CD164: variants seen among roughly 807,000 people sequenced by gnomAD.
CD164 encodes the protein sialomucin core protein 24.
Under a neutral mutation model 24.6 loss-of-function variants are expected in CD164, and 11 were observed. That is an observed-to-expected ratio of 0.45 (90% CI 0.28 to 0.74). CD164 has a LOEUF of 0.74. Among genes scored for constraint, CD164 ranks in the 30% least tolerant of loss-of-function variants. CD164 has a pLI of 0.13. For missense variants in CD164, 295 were observed against 243.7 expected (o/e 1.21, Z -1.40); for synonymous variants, 126 against 100.3 (o/e 1.26, Z -1.53).
At position 109,382,207 on chromosome 6, in the gene CD164, G is replaced by A. The variant is rs201300094; in HGVS notation, c.172C>T (p.Pro58Ser). 7 of 1,557,910 alleles carry A rather than the reference G, an allele frequency of 4.5e-6. No individual in the cohort carries two copies. In the East Asian group the frequency reaches 1.7e-4, roughly 37 times the overall value. The part of the protein sequence containing the change: ...TSLPLVTTPA[P>S]ETCEGRNSCV... ...AGCCCACAGGGCCCGCGCCCACCTG[G>A]TGCCGGAGTGGTGACCAGCGGGAGG... Residue 58 changes from proline to serine, a missense_variant, in exon 1 of 6, where the codon CCA becomes TCA. Pro to Ser is a moderately conservative substitution (Grantham distance 74). Transcript: ENST00000310786.
At chr6:109,370,346 A>T (rs1320998532) in intron 5 of CD164, 65 bp downstream of exon 5, 1 of 1,309,932 alleles carries the variant, frequency 7.6e-7, no homozygotes, top group Non-Finnish European at 1.1e-6. Flanking sequence ...ATGATGGCAG[A>T]AATTGTAAAG....
Position 109,376,971 on chromosome 6 carries a change from A to G in CD164, c.332-859T>C, listed in dbSNP as rs142447982. 7.6e-3 allele frequency among the ~76,000 whole-genome samples: 1,156 copies of G among 152,326 alleles called. 14 individuals are homozygous for G. The highest frequency in any genetic ancestry group is 0.026 in the African/African-American group (1,068 of 41,572). On this transcript the variant is annotated intron_variant, in intron 3 of 5. Coordinates refer to ENST00000310786, the MANE Select transcript of CD164 (RefSeq NM_006016.6). ...GGCAACATAGTGAGACACCATCTCT[A>G]CAAAAAAATTTTTAAATTAGCCAGC...
intron 1 of CD164, 29 bp downstream of exon 1, chr6:109,382,175 G>C (rs1040898021): frequency 6.7e-7 from 1 of 1,498,022 alleles, no homozygotes; most frequent in Non-Finnish European, 8.9e-7. Flanking sequence ...GGCAGGGGAG[G>C]GCGGGAAGCC....
intron 1 of CD164, chr6:109,380,571 A>T (rs1042684888): frequency 2.0e-5 from 3 of 152,334 alleles, no homozygotes; most frequent in Admixed American, 2.0e-4. Flanking sequence ...AGGGTTCATA[A>T]AGTAAAAATA....
intron 3 of CD164, among the ~76,000 whole-genome samples, chr6:109,377,660 A>AG (rs1248418055): frequency 6.7e-6 from 1 of 148,422 alleles, no homozygotes; most frequent in African/African-American, 2.5e-5. Flanking sequence ...AAAAAAAAAA[A>AG]GTGTGGGGGC....
Position 109,382,330 on chromosome 6 carries a change from C to G in CD164, c.49G>C (p.Val17Leu). The change falls in exon 1 of 6, where the codon GTG (valine) becomes CTG (leucine). Residue 17 changes from valine (V) to leucine (L), a missense_variant. Val to Leu is a conservative substitution (Grantham distance 32, BLOSUM62 1). Transcript: ENST00000310786. Reference protein sequence around the residue: ...SLLWAATCLGVLCVLSADKNT... With the variant: ...SLLWAATCLGLLCVLSADKNT... ...TTGTCCGCGGACAGCACGCAGAGCA[C>G]GCCCAGGCAGGTGGCGGCCCAAAGC... 6.4e-7 allele frequency: 1 copy of G among 1,570,574 alleles called. No individual in the cohort carries two copies. Among genetic ancestry groups the G allele is most frequent in the Non-Finnish European group, 8.6e-7 (1 of 1,162,882 alleles).
Position 109,382,464 on chromosome 6 carries a change from G to C in CD164, c.-86C>G, listed in dbSNP as rs1771842024. On this transcript the variant is annotated 5_prime_UTR_variant, in exon 1 of 6. Coordinates refer to ENST00000310786, the MANE Select transcript of CD164 (RefSeq NM_006016.6). The stretch of plus-strand genomic sequence containing the variant: ...CAATCCCCTGCGGCGCCGCCTCCGA[G>C]ACTACGCTCCCCCGCGGGAGCGCGC... 7.6e-7 allele frequency: 1 copy of C among 1,311,360 alleles called. No homozygotes were observed. Among genetic ancestry groups the C allele is most frequent in the East Asian group, 3.0e-5 (1 of 33,212 alleles). 81.2% of individuals were successfully genotyped at this position (1,311,360 alleles called of 1,614,324 possible).
At position 109,379,629 on chromosome 6, in the gene CD164, C is replaced by T. The variant is rs1270280249; in HGVS notation, c.209G>A (p.Cys70Tyr). The change falls in exon 2 of 6, where the codon TGT (cysteine) becomes TAT (tyrosine). Residue 70 changes from cysteine (C) to tyrosine (Y), a missense_variant. Transcript: ENST00000310786. ...TCEGRNSCVS[C>Y]FNVSVVNTTC... Reference sequence around the variant, plus strand: ...AGTATTAACAACGCTAACATTAAAACAGGAAACGCAGCTGTTTCGACCTTC... The same window carrying T: ...AGTATTAACAACGCTAACATTAAAATAGGAAACGCAGCTGTTTCGACCTTC... 4 of 1,613,380 alleles carry T rather than the reference C, an allele frequency of 2.5e-6. No homozygotes were observed. Among genetic ancestry groups the T allele is most frequent in the Non-Finnish European group, 3.4e-6 (4 of 1,179,812 alleles).
At chr6:109,377,111 T>C (rs1049535697) in intron 3 of CD164, among the ~76,000 whole-genome samples, 2 of 152,200 alleles carry the variant, frequency 1.3e-5, no homozygotes, top group Admixed American at 6.5e-5. Context: ...CACTCCAGCC[T>C]GGGCAACAAA....
At chr6:109,374,661 A>G (rs1771293102) in intron 4 of CD164, among the ~76,000 whole-genome samples, 1 of 152,238 alleles carries the variant, frequency 6.6e-6, no homozygotes, top group South Asian at 2.1e-4. Flanking sequence ...CAAGGCATAC[A>G]AAGGTGTTTC....
intron 4 of CD164, 184 bp downstream of exon 4, chr6:109,375,890 T>G: frequency 1.8e-6 from 1 of 550,394 alleles, no homozygotes; most frequent in Non-Finnish European, 3.1e-6. Context: ...TATAAAACAC[T>G]GGAGCTATGT....
At position 109,375,631 on chromosome 6, in the gene CD164, GA is replaced by G. The variant is rs983082181; in HGVS notation, c.370+442del. Among the ~76,000 whole-genome samples the G allele has an allele frequency of 6.4e-4, 64 of 100,178 alleles. 1 individual carries two copies. Among genetic ancestry groups the G allele is most frequent in the Non-Finnish European group, 1.1e-3 (51 of 46,980 alleles). The allele number at this position is 100,178 out of a possible 152,430, so 65.7% of individuals were successfully genotyped here. A position where few individuals can be genotyped will look rare whatever the true frequency, so the allele number is the denominator to read the frequency against. The stretch of plus-strand genomic sequence containing the variant: ...GACTTCGCTTCCAAAAAAAAAAAAA[GA>G]AAAGAAAAAAAGAAATACAAAGGTG... On this transcript the variant is annotated intron_variant, in intron 4 of 5. Coordinates refer to ENST00000310786, the MANE Select transcript of CD164 (RefSeq NM_006016.6).
At chr6:109,373,619 C>T (rs1417671803) in intron 4 of CD164, among the ~76,000 whole-genome samples, 1 of 152,146 alleles carries the variant, frequency 6.6e-6, no homozygotes, top group African/African-American at 2.4e-5. Context: ...AAGAAATGAA[C>T]AACAGTTCTG....
chr6:109,378,054 A>C, intron 2 of CD164, 83 bp from the exon 3 acceptor site: 1 of 1,180,404 alleles, frequency 8.5e-7, no homozygotes, highest in Non-Finnish European at 1.2e-6. Flanking sequence ...AGCTCTATGA[A>C]ATCAAACCCA....
At position 109,368,342 on chromosome 6, in the gene CD164, A is replaced by G; in HGVS notation, c.*509T>C. The G allele has an allele frequency of 6.5e-7, 1 of 1,534,558 alleles. No homozygotes were observed. Among genetic ancestry groups the G allele is most frequent in the Non-Finnish European group, 8.8e-7 (1 of 1,139,576 alleles). ...ATCTTATTTCTAATGTAGAAAAAACAGCTGTTATCAAGCACAAAATTTTAA... is the reference window on the plus strand; with the variant it reads ...ATCTTATTTCTAATGTAGAAAAAACGGCTGTTATCAAGCACAAAATTTTAA... On this transcript the variant is annotated 3_prime_UTR_variant, in exon 6 of 6. Transcript: ENST00000310786.
chr6:109,382,056 C>T (rs2115175912), intron 1 of CD164, 148 bp downstream of exon 1: 2 of 608,768 alleles, frequency 3.3e-6, no homozygotes, highest in Non-Finnish European at 4.7e-6. Context: ...TCCAGGCTGG[C>T]CGCCATGTTG....
intron 4 of CD164, chr6:109,375,819 TA>T: frequency 2.8e-6 from 1 of 361,840 alleles, no homozygotes; most frequent in Admixed American, 4.7e-5. Context: ...ACTAAATCTA[TA>T]AAAAGTACTT....
At chr6:109,378,595 A>G (rs1162307571) in intron 2 of CD164, among the ~76,000 whole-genome samples, 1 of 152,218 alleles carries the variant, frequency 6.6e-6, no homozygotes, top group East Asian at 1.9e-4. Context: ...ACTTTCCTGG[A>G]TAGGTAGACT....
chr6:109,380,130 C>G (rs1047266733), intron 1 of CD164: 1 of 152,316 alleles, frequency 6.6e-6, no homozygotes, highest in African/African-American at 2.4e-5. Context: ...ACTGATGATG[C>G]CCATTCTGCT....
Sources: gnomAD v4.1 joint callset for allele counts (sites outside exome capture counted in the v4.1 genomes callset) on GRCh38, gnomAD v4.1.1 for gene constraint, MANE v1.5 for transcripts, NCBI Gene and HGNC (gene_info 2026-07-23, HGNC 2026-07-21) for gene names.